CDH13: variants seen among roughly 807,000 people sequenced by gnomAD.
The protein encoded by CDH13 is cadherin-13.
Under a neutral mutation model 63.8 loss-of-function variants are expected in CDH13, and 24 were observed. The observed-to-expected ratio is 0.38, with a 90% CI of 0.27 to 0.53. CDH13 has a LOEUF of 0.53. CDH13 is among the 20% of genes least tolerant of loss of function. The pLI, the probability that CDH13 is intolerant of heterozygous loss-of-function variation, is 0.85. For missense variants in CDH13, 1,049 were observed against 903.1 expected (o/e 1.16, Z -2.07); for synonymous variants, 503 against 355.3 (o/e 1.42, Z -4.67).
chr16:83,114,023 C>A (rs2035186110), intron 3 of CDH13, among the ~76,000 whole-genome samples: 1 of 152,146 alleles, frequency 6.6e-6, no homozygotes, highest in African/African-American at 2.4e-5. Context: ...CTGGAGTTAA[C>A]TCTCCAATTT....
intron 4 of CDH13, among the ~76,000 whole-genome samples, chr16:83,173,936 G>T (rs1166127144): frequency 6.6e-6 from 1 of 152,032 alleles, no homozygotes; most frequent in African/African-American, 2.4e-5. Flanking sequence ...AACAGAACAG[G>T]CATATCCCTG....
At chr16:83,561,584 T>G in intron 7 of CDH13, among the ~76,000 whole-genome samples, 1 of 152,210 alleles carries the variant, frequency 6.6e-6, no homozygotes, top group Non-Finnish European at 1.5e-5. Context: ...TACTAGGCTA[T>G]CAGCACTGGT....
At chr16:83,179,242 C>A (rs2038248297) in intron 4 of CDH13, among the ~76,000 whole-genome samples, 1 of 152,066 alleles carries the variant, frequency 6.6e-6, no homozygotes, top group Admixed American at 6.6e-5. Context: ...TCCCAGAAGA[C>A]CACAGAACTT....
chr16:82,687,415 A>T (rs988127255), intron 1 of CDH13, among the ~76,000 whole-genome samples: 1 of 152,172 alleles, frequency 6.6e-6, no homozygotes, highest in African/African-American at 2.4e-5. Flanking sequence ...TACCTGAGGC[A>T]GGGTAGTTAA....
Position 82,895,677 on chromosome 16 carries a change from G to A in CDH13, c.157+37204G>A, listed in dbSNP as rs1282682936. Among the ~76,000 whole-genome samples the A allele has an allele frequency of 6.3e-5, 8 of 127,972 alleles. No individual in the cohort carries two copies. In the East Asian group the frequency reaches 1.7e-3, roughly 28 times the overall value. 84.0% of individuals were successfully genotyped at this position (127,972 alleles called of 152,430 possible). A position where few individuals can be genotyped will look rare whatever the true frequency, so the allele number is the denominator to read the frequency against. On this transcript the variant is annotated intron_variant, in intron 2 of 13. Transcript: ENST00000567109. ...AAACAAACATTACATACTAGGAAAGGGACGCCTCTCCCTTTTTTTTTTTTT... is the reference window on the plus strand; with the variant it reads ...AAACAAACATTACATACTAGGAAAGAGACGCCTCTCCCTTTTTTTTTTTTT...
intron 7 of CDH13, among the ~76,000 whole-genome samples, chr16:83,496,244 A>G (rs1487438640): frequency 2.0e-5 from 3 of 149,338 alleles, no homozygotes; most frequent in South Asian, 2.1e-4. Flanking sequence ...GCATCACACT[A>G]CCTGACTTCA....
intron 7 of CDH13, among the ~76,000 whole-genome samples, chr16:83,577,413 G>T (rs999015598): frequency 2.0e-5 from 3 of 152,238 alleles, no homozygotes; most frequent in African/African-American, 7.2e-5. Flanking sequence ...CCCAGCAGCT[G>T]TTGGGTCCAG....
At chr16:83,412,020 G>T (rs550548350) in intron 6 of CDH13, among the ~76,000 whole-genome samples, 30 of 152,290 alleles carry the variant, frequency 2.0e-4, no homozygotes, top group Admixed American at 1.1e-3. Flanking sequence ...GGTTCTCTGT[G>T]GATGTTTGTG....
chr16:83,582,102 CA>C (rs376395651), intron 7 of CDH13, among the ~76,000 whole-genome samples: 127 of 152,246 alleles, frequency 8.3e-4, no homozygotes, highest in Middle Eastern at 6.8e-3. Flanking sequence ...ACAGGGTTGT[CA>C]GGGGGGTGGT....
chr16:82,719,035 C>T (rs375086606), intron 1 of CDH13, among the ~76,000 whole-genome samples: 13 of 152,172 alleles, frequency 8.5e-5, no homozygotes, highest in Non-Finnish European at 1.6e-4. Flanking sequence ...GAATATCCTT[C>T]ACACTGAGGT....
At chr16:83,292,958 T>G (rs1862832) in intron 5 of CDH13, among the ~76,000 whole-genome samples, 87,513 of 152,016 alleles carry the variant, frequency 0.58, 25,669 homozygotes, top group South Asian at 0.73. Flanking sequence ...TTCCATGGTT[T>G]CTGGTATTGG....
chr16:83,345,890 C>G (rs2090828845), intron 6 of CDH13, among the ~76,000 whole-genome samples: 1 of 152,124 alleles, frequency 6.6e-6, no homozygotes, highest in South Asian at 2.1e-4. Context: ...TCAGACCAGA[C>G]AGGAGATGAG....
chr16:83,580,235 T>TA (rs1303679611), intron 7 of CDH13, among the ~76,000 whole-genome samples: 2 of 152,142 alleles, frequency 1.3e-5, no homozygotes, highest in East Asian at 3.9e-4. Context: ...TTTTAATAAA[T>TA]ATGTGCGTGA....
In CDH13 at chr16:83,799,979, A is replaced by C. The variant is rs572277630; in HGVS notation, c.*4949A>C. On this transcript the variant is annotated 3_prime_UTR_variant, in exon 14 of 14. Transcript: ENST00000567109. The stretch of plus-strand genomic sequence containing the variant: ...AAGAGTCAGTCTATAATTTAAGCAG[A>C]AATAATTGAGATACTCATCAAATTA... 1 of 152,326 alleles carries C rather than the reference A, an allele frequency of 6.6e-6. No individual in the cohort carries two copies. The highest frequency in any genetic ancestry group is 1.9e-4 in the East Asian group (1 of 5,190). 9.4% of individuals were successfully genotyped at this position (152,326 alleles called of 1,614,324 possible).
At chr16:83,527,835 C>A (rs556129450) in intron 7 of CDH13, among the ~76,000 whole-genome samples, 6 of 152,152 alleles carry the variant, frequency 3.9e-5, no homozygotes, top group African/African-American at 1.4e-4. Flanking sequence ...CACTGGTATC[C>A]ATATCACACT....
intron 3 of CDH13, among the ~76,000 whole-genome samples, chr16:83,058,976 A>T (rs376300841): frequency 5.3e-5 from 8 of 152,252 alleles, no homozygotes; most frequent in African/African-American, 1.9e-4. Context: ...TCAAAGATGG[A>T]TGTCCCGGTT....
chr16:82,679,565 T>C (rs1914316415), intron 1 of CDH13, among the ~76,000 whole-genome samples: 1 of 152,192 alleles, frequency 6.6e-6, no homozygotes, highest in African/African-American at 2.4e-5. Flanking sequence ...GTCAGCATAA[T>C]CTAGTACATA....
intron 1 of CDH13, among the ~76,000 whole-genome samples, chr16:82,646,943 T>C (rs1910167438): frequency 6.6e-6 from 1 of 152,120 alleles, no homozygotes; most frequent in South Asian, 2.1e-4. Context: ...CAACGTGAGA[T>C]TGGATCAGAG....
intron 4 of CDH13, among the ~76,000 whole-genome samples, chr16:83,189,494 C>T (rs747783749): frequency 1.3e-5 from 2 of 152,276 alleles, no homozygotes; most frequent in Non-Finnish European, 2.9e-5. Flanking sequence ...AGTCAGAACA[C>T]AGAGGTTGTA....
Sources: allele counts gnomAD v4.1 joint callset (sites outside exome capture counted in the v4.1 genomes callset), GRCh38; gene constraint gnomAD v4.1.1; transcripts MANE v1.5; gene names NCBI Gene and HGNC (gene_info 2026-07-23, HGNC 2026-07-21).